The following GNAT3 variants were observed in gnomAD, a reference collection of about 807,000 sequenced individuals.
GNAT3 encodes the protein guanine nucleotide-binding protein G(t) subunit alpha-3.
Under a neutral mutation model 37.7 loss-of-function variants are expected in GNAT3, and 31 were observed. The ratio of observed to expected loss-of-function variants is 0.82; its 90% CI spans 0.62 to 1.11. The LOEUF is 1.11. Among genes scored for constraint, GNAT3 ranks in the 50% most tolerant of loss-of-function variants. The probability of loss-of-function intolerance (pLI) is 0.00; values close to 1 mark genes in which losing one functional copy is unlikely to be tolerated. For missense variants in GNAT3, 437 were observed against 412.5 expected, an observed-to-expected ratio of 1.06 and a Z score of -0.51; for synonymous variants, 138 against 139.8, an observed-to-expected ratio of 0.99 and a Z score of 0.09.
intron 3 of GNAT3, among the ~76,000 whole-genome samples, chr7:80,482,925 C>G (rs1461690306): frequency 6.6e-6 from 1 of 152,012 alleles, no homozygotes; most frequent in African/African-American, 2.4e-5. Flanking sequence ...TTCAATGTTA[C>G]AAAGTCTCCC....
chr7:80,507,514 C>T (rs561094439), intron 1 of GNAT3, among the ~76,000 whole-genome samples: 2 of 151,956 alleles, frequency 1.3e-5, no homozygotes, highest in South Asian at 2.1e-4. Context: ...GAATAAACCA[C>T]GTTTGTCTAG....
At chr7:80,477,434 G>T (rs530828797) in intron 4 of GNAT3, among the ~76,000 whole-genome samples, 1 of 152,130 alleles carries the variant, frequency 6.6e-6, no homozygotes, top group Admixed American at 6.6e-5. Context: ...CTTATGAAAA[G>T]TTATTCAAGT....
chr7:80,511,822 C>G lies in GNAT3; in HGVS notation c.105G>C (p.Lys35Asn). The G allele has an allele frequency of 6.2e-7, 1 of 1,608,670 alleles. No homozygotes were observed. Among genetic ancestry groups the G allele is most frequent in the South Asian group, 1.1e-5 (1 of 90,600 alleles). The change falls in exon 1 of 8, where the codon AAG (lysine) becomes AAC (asparagine). Residue 35 changes from lysine (K) to asparagine (N), a missense_variant. Lys to Asn is a moderately conservative substitution (Grantham distance 94). Coordinates refer to ENST00000398291, the MANE Select transcript of GNAT3 (RefSeq NM_001102386.3). ...AAAAGAAATTACCTAATAGTAGCAGCTTTACGGTTCTTGCATCTCGCTCAG... is the reference window on the plus strand; with the variant it reads ...AAAAGAAATTACCTAATAGTAGCAGGTTTACGGTTCTTGCATCTCGCTCAG... ...EDAERDARTV[K>N]LLLLGAGESG...
intron 1 of GNAT3, among the ~76,000 whole-genome samples, chr7:80,505,453 G>C (rs931258879): frequency 6.6e-6 from 1 of 152,070 alleles, no homozygotes; most frequent in Non-Finnish European, 1.5e-5. Context: ...TGCAAGCTCC[G>C]CCTCCCGGGT....
chr7:80,461,103 TATAA>T (rs1392491468), intron 7 of GNAT3, among the ~76,000 whole-genome samples: 2 of 151,340 alleles, frequency 1.3e-5, no homozygotes, highest in Admixed American at 1.3e-4. Flanking sequence ...ATGAATATAT[TATAA>T]ATATTTATAA....
intron 3 of GNAT3, among the ~76,000 whole-genome samples, chr7:80,483,152 C>A (rs1352013077): frequency 1.3e-5 from 2 of 152,208 alleles, no homozygotes; most frequent in East Asian, 1.9e-4. Flanking sequence ...AGCATCCTTG[C>A]ATGTCAGGCC....
At chr7:80,507,316 T>C (rs1440968337) in intron 1 of GNAT3, among the ~76,000 whole-genome samples, 1 of 151,746 alleles carries the variant, frequency 6.6e-6, no homozygotes, top group African/African-American at 2.4e-5. Context: ...CACTCATATC[T>C]AGGGATAATT....
intron 3 of GNAT3, among the ~76,000 whole-genome samples, chr7:80,487,461 A>C (rs1457138497): frequency 1.3e-5 from 2 of 152,184 alleles, no homozygotes; most frequent in Non-Finnish European, 2.9e-5. Context: ...TGTTCTTTGA[A>C]GAAAAGTGAC....
At chr7:80,474,176 G>A (rs892587920) in intron 5 of GNAT3, 75 bp downstream of exon 5, 2 of 1,435,762 alleles carry the variant, frequency 1.4e-6, no homozygotes. Context: ...ACATGGGCTA[G>A]AGCTTTTCTC....
chr7:80,474,968 A>G (rs1445815252), intron 4 of GNAT3, among the ~76,000 whole-genome samples: 1 of 152,140 alleles, frequency 6.6e-6, no homozygotes. Context: ...AGCCATTTCC[A>G]TTAAATGCCA....
chr7:80,508,576 A>G (rs1790995296), intron 1 of GNAT3, among the ~76,000 whole-genome samples: 1 of 152,046 alleles, frequency 6.6e-6, no homozygotes, highest in Non-Finnish European at 1.5e-5. Flanking sequence ...TCTTGATTGC[A>G]GTTATCAAAT....
intron 3 of GNAT3, among the ~76,000 whole-genome samples, chr7:80,482,211 G>C (rs918587510): frequency 3.3e-5 from 5 of 152,136 alleles, no homozygotes; most frequent in Non-Finnish European, 5.9e-5. Context: ...ACACAGGATA[G>C]ATTTTTAAAA....
At position 80,511,978 on chromosome 7, in the gene GNAT3, G is replaced by T. The variant is rs1287051701; in HGVS notation, c.-52C>A. On this transcript the variant is annotated 5_prime_UTR_variant, in exon 1 of 8. It introduces an in-frame stop codon into an upstream open reading frame of the 5' UTR. Transcript: ENST00000398291. ...TATATGTTCAGATTTTTCAAATGTTGAGCACAGCTGTGGTTTGGACATAGG... is the reference window on the plus strand; with the variant it reads ...TATATGTTCAGATTTTTCAAATGTTTAGCACAGCTGTGGTTTGGACATAGG... 7.7e-7 allele frequency: 1 copy of T among 1,295,550 alleles called. No individual in the cohort carries two copies. The highest frequency in any genetic ancestry group is 2.4e-5 in the East Asian group (1 of 41,902). 80.3% of individuals were successfully genotyped at this position (1,295,550 alleles called of 1,614,324 possible). A position where few individuals can be genotyped will look rare whatever the true frequency, so the allele number is the denominator to read the frequency against.
At chr7:80,474,431 A>G (rs367801594) in intron 4 of GNAT3, 52 bp from the exon 5 acceptor site, 16 of 792,992 alleles carry the variant, frequency 2.0e-5, no homozygotes, top group East Asian at 1.9e-4. Context: ...ACATAAATAC[A>G]TACATATATG....
chr7:80,507,615 T>A (rs911749295), intron 1 of GNAT3, among the ~76,000 whole-genome samples: 3 of 151,998 alleles, frequency 2.0e-5, no homozygotes, highest in Non-Finnish European at 4.4e-5. Flanking sequence ...ACAAAACGCA[T>A]TACAGTTGAT....
chr7:80,483,492 C>T (rs1790425660), intron 3 of GNAT3, among the ~76,000 whole-genome samples: 1 of 152,108 alleles, frequency 6.6e-6, no homozygotes, highest in Non-Finnish European at 1.5e-5. Context: ...ACACTTAACT[C>T]CTATTTTATT....
At chr7:80,462,080 T>C in intron 7 of GNAT3, 79 bp downstream of exon 7, 1 of 907,946 alleles carries the variant, frequency 1.1e-6, no homozygotes, top group Non-Finnish European at 1.6e-6. Flanking sequence ...CTCATAAGTA[T>C]TAAATGTCAA....
chr7:80,480,669 A>G (rs1790378397), intron 3 of GNAT3, among the ~76,000 whole-genome samples: 1 of 152,142 alleles, frequency 6.6e-6, no homozygotes, highest in African/African-American at 2.4e-5. Context: ...TCCCCTTGTT[A>G]GAGCATATAG....
intron 5 of GNAT3, among the ~76,000 whole-genome samples, chr7:80,466,260 A>C (rs866747131): frequency 3.9e-5 from 6 of 152,106 alleles, no homozygotes; most frequent in African/African-American, 1.4e-4. Context: ...AGTTTTCTCC[A>C]CTAAGCAGAA....
Sources: gnomAD v4.1 joint callset for allele counts (sites outside exome capture counted in the v4.1 genomes callset) on GRCh38, gnomAD v4.1.1 for gene constraint, MANE v1.5 for transcripts, NCBI Gene and HGNC (gene_info 2026-07-23, HGNC 2026-07-21) for gene names.